The following TNKS2 variants were observed in gnomAD, a reference collection of about 807,000 sequenced individuals.
The protein encoded by TNKS2 is tankyrase 2.
In TNKS2, 72 loss-of-function variants were observed where a neutral mutation model predicts 137.6. The ratio of observed to expected loss-of-function variants is 0.52; its 90% CI spans 0.43 to 0.64. The LOEUF (loss-of-function observed/expected upper bound fraction) is 0.64. TNKS2 is among the 30% of genes least tolerant of loss of function. The pLI is 0.00. For missense variants in TNKS2, 1,049 were observed against 1,410.2 expected (o/e 0.74, Z 4.10); for synonymous variants, 516 against 512.1 (o/e 1.01, Z -0.10).
At position 91,841,250 on chromosome 10, in the gene TNKS2, C is replaced by T. The variant is rs772304701; in HGVS notation, c.1674-33C>T. 2.7e-6 allele frequency: 4 copies of T among 1,472,948 alleles called. No homozygotes were observed. The African/African-American group carries it at 4.3e-5, about 16-fold the overall frequency. 91.2% of individuals were successfully genotyped at this position (1,472,948 alleles called of 1,614,324 possible). On this transcript the variant is annotated intron_variant, in intron 14 of 26. Coordinates refer to ENST00000371627, the MANE Select transcript of TNKS2 (RefSeq NM_025235.4). ...ATTATTTAAATTAAAACATGTTCTT[C>T]TGTGGCATTATTGTTCATTTATTAC...
rs375077745 is a variant in TNKS2, at chr10:91,840,184, A to G, written c.1528-377A>G. Among the ~76,000 whole-genome samples the G allele has an allele frequency of 4.7e-4, 71 of 152,298 alleles. 1 individual carries two copies. Among genetic ancestry groups the G allele is most frequent in the African/African-American group, 1.6e-3 (66 of 41,574 alleles). Reference sequence around the variant, plus strand: ...GTGAAACCCCGCCTCTACTAAAAATATAAAAATTAGCCAGGTGTCCTGGCA... The same window carrying G: ...GTGAAACCCCGCCTCTACTAAAAATGTAAAAATTAGCCAGGTGTCCTGGCA... On this transcript the variant is annotated intron_variant, in intron 13 of 26. Transcript: ENST00000371627.
At chr10:91,822,272 AT>A (rs759675667) in intron 6 of TNKS2, 23 bp from the exon 7 acceptor site, 140 of 1,591,356 alleles carry the variant, frequency 8.8e-5, no homozygotes, top group Middle Eastern at 1.7e-4. Context: ...CTGAAACAGG[AT>A]TTTCCCCCCC....
chr10:91,801,550 T>C (rs1359274095), intron 1 of TNKS2, among the ~76,000 whole-genome samples: 1 of 152,014 alleles, frequency 6.6e-6, no homozygotes, highest in African/African-American at 2.4e-5. Flanking sequence ...CTCAGCTCAC[T>C]GCAACCCCCA....
intron 25 of TNKS2, among the ~76,000 whole-genome samples, chr10:91,861,127 G>A (rs1479353250): frequency 6.6e-6 from 1 of 152,160 alleles, no homozygotes; most frequent in East Asian, 1.9e-4. Context: ...AACTGGTGGT[G>A]AGGGGAGACT....
At position 91,857,442 on chromosome 10, in the gene TNKS2, CAAG is replaced by C; in HGVS notation, c.3009_3011del (p.Lys1004del). ...TTTTATAGATTCAGAAGGTTTGTAA[CAAG>C]AAACTATGGGAAAGATACACTCACC... is the stretch of plus-strand genomic sequence containing the variant. On this transcript the variant is annotated inframe_deletion, in exon 24 of 27. Coordinates refer to ENST00000371627, the MANE Select transcript of TNKS2 (RefSeq NM_025235.4). The C allele has an allele frequency of 6.2e-7, 1 of 1,605,274 alleles. No individual in the cohort carries two copies. The highest frequency in any genetic ancestry group is 8.5e-7 in the Non-Finnish European group (1 of 1,174,936).
intron 1 of TNKS2, among the ~76,000 whole-genome samples, chr10:91,802,773 ACT>A (rs1844210723): frequency 6.6e-6 from 1 of 152,066 alleles, no homozygotes; most frequent in South Asian, 2.1e-4. Flanking sequence ...TTTATCCAAC[ACT>A]CTTCACCTAG....
In TNKS2 at chr10:91,850,343, C is replaced by T. The variant is rs189172253; in HGVS notation, c.2694+749C>T. ...AGATCACACCACTGCACTCCAGCCT[C>T]GGCAACAGAGCAAGACTCGGTCTCA... On this transcript the variant is annotated intron_variant, in intron 20 of 26. Transcript: ENST00000371627. 4.1e-3 allele frequency among the ~76,000 whole-genome samples: 546 copies of T among 134,306 alleles called. 1 individual carries two copies. The highest frequency in any genetic ancestry group is 0.014 in the African/African-American group (502 of 35,374). The allele number at this position is 134,306 out of a possible 152,430, so 88.1% of individuals were successfully genotyped here. A position where few individuals can be genotyped will look rare whatever the true frequency, so the allele number is the denominator to read the frequency against.
intron 6 of TNKS2, among the ~76,000 whole-genome samples, 172 bp downstream of exon 6, chr10:91,820,205 A>G (rs1371245889): frequency 2.0e-5 from 3 of 152,236 alleles, no homozygotes. Flanking sequence ...TTAAGCCCAC[A>G]GCTCATAGAA....
At chr10:91,852,379 A>G (rs1842567008) in intron 21 of TNKS2, among the ~76,000 whole-genome samples, 1 of 150,538 alleles carries the variant, frequency 6.6e-6, no homozygotes, top group Admixed American at 6.6e-5. Context: ...AACATGGTGA[A>G]ACCCCATCTG....
chr10:91,829,905 A>C (rs1028989767), intron 9 of TNKS2, among the ~76,000 whole-genome samples: 3 of 152,218 alleles, frequency 2.0e-5, no homozygotes, highest in African/African-American at 7.2e-5. Flanking sequence ...TTTTAATTTA[A>C]CATATATACA....
Position 91,833,867 on chromosome 10 carries a change from T to G in TNKS2, c.1290T>G (p.Asp430Glu). 6.3e-7 allele frequency: 1 copy of G among 1,597,304 alleles called. No individual in the cohort carries two copies. The highest frequency in any genetic ancestry group is 8.5e-7 in the Non-Finnish European group (1 of 1,175,168). The stretch of plus-strand genomic sequence containing the variant: ...GCTTTGTTAAGGTTAATGCTCTGGA[T>G]AATCTTGGTCAGACTTCTCTACACA... ...VKHEAKVNAL[D>E]NLGQTSLHRA... Residue 430 changes from aspartate (D) to glutamate (E), a missense_variant, in exon 12 of 27, where the codon GAT becomes GAG. Asp to Glu is a conservative substitution (Grantham distance 45). This residue lies in a region of TNKS2 where 328 missense variants were observed against 436.0 expected (regional missense o/e 0.75). Transcript: ENST00000371627.
chr10:91,857,805 G>A lies in TNKS2; in HGVS notation c.3094+275G>A, dbSNP rs539020430. Among the ~76,000 whole-genome samples the A allele has an allele frequency of 5.3e-5, 8 of 152,008 alleles. No homozygotes were observed. The East Asian group carries it at 1.5e-3, about 29-fold the overall frequency. Reference sequence around the variant, plus strand: ...CTTTAAATAGTAAATTTTGCTTATGGTCACTCTAGGAAATTTTGTGTTTTC... The same window carrying A: ...CTTTAAATAGTAAATTTTGCTTATGATCACTCTAGGAAATTTTGTGTTTTC... On this transcript the variant is annotated intron_variant, in intron 24 of 26. Transcript: ENST00000371627.
rs1030333627 is a variant in TNKS2, at chr10:91,815,508, A to G, written c.425-1626A>G. Among the ~76,000 whole-genome samples the G allele has an allele frequency of 1.1e-4, 16 of 152,076 alleles. 1 individual carries two copies. The highest frequency in any genetic ancestry group is 3.1e-4 in the African/African-American group (13 of 41,394). On this transcript the variant is annotated intron_variant, in intron 2 of 26. Transcript: ENST00000371627. ...TTCCAGTTATAATCTGCACTATCCA[A>G]TATGGTAGCTAAGGGCTTGCAATGT...
At chr10:91,806,889 A>G (rs1844340072) in intron 1 of TNKS2, among the ~76,000 whole-genome samples, 2 of 152,206 alleles carry the variant, frequency 1.3e-5, no homozygotes, top group Admixed American at 6.5e-5. Context: ...TACTGATACA[A>G]ATTTGCCAGA....
chr10:91,833,750 A>G (rs573411212), intron 11 of TNKS2, 103 bp from the exon 12 acceptor site: 71 of 954,234 alleles, frequency 7.4e-5, no homozygotes, highest in Non-Finnish European at 9.5e-5. Flanking sequence ...TAGGCCTCAT[A>G]AAAGAATTGA....
chr10:91,823,486 C>T lies in TNKS2; in HGVS notation c.795+1124C>T, dbSNP rs534177948. Among the ~76,000 whole-genome samples, 9 of 151,916 alleles carry T rather than the reference C, an allele frequency of 5.9e-5. No homozygotes were observed. In the East Asian group the frequency reaches 1.7e-3, roughly 29 times the overall value. On this transcript the variant is annotated intron_variant, in intron 7 of 26. Transcript: ENST00000371627. ...GGGATTACAGGTATGTGCCACCATG[C>T]CCAGCTAATTTTCTATTTTTAGTAG...
rs752172505 is a variant in TNKS2, at chr10:91,848,462, A to G, written c.2438A>G (p.Asn813Ser). 5.6e-6 allele frequency: 9 copies of G among 1,614,128 alleles called. No individual in the cohort carries two copies. Among genetic ancestry groups the G allele is most frequent in the South Asian group, 3.3e-5 (3 of 91,082 alleles). The change falls in exon 19 of 27, where the codon AAT (asparagine) becomes AGT (serine). Residue 813 changes from asparagine (N) to serine (S), a missense_variant. Coordinates refer to ENST00000371627, the MANE Select transcript of TNKS2 (RefSeq NM_025235.4). Reference sequence around the variant, plus strand: ...TCTTGTTACAAGCCTCAAGTGCTCAATGGTGTGAGAAGCCCAGGAGCCACT... The same window carrying G: ...TCTTGTTACAAGCCTCAAGTGCTCAGTGGTGTGAGAAGCCCAGGAGCCACT... ...LPSCYKPQVL[N>S]GVRSPGATAD...
intron 12 of TNKS2, among the ~76,000 whole-genome samples, chr10:91,836,119 T>C (rs1345041413): frequency 2.0e-5 from 3 of 148,986 alleles, no homozygotes; most frequent in Admixed American, 1.3e-4. Context: ...CTTGGCTCAC[T>C]GTAGCCTCAA....
chr10:91,846,663 A>G (rs979111256), intron 18 of TNKS2, among the ~76,000 whole-genome samples: 2 of 151,430 alleles, frequency 1.3e-5, no homozygotes, highest in African/African-American at 2.5e-5. Flanking sequence ...ACTGCTTTCT[A>G]CTGAGAAAGA....
Sources: allele counts gnomAD v4.1 joint callset (sites outside exome capture counted in the v4.1 genomes callset), GRCh38; gene constraint gnomAD v4.1.1; regional missense constraint gnomAD v4.1.1; transcripts MANE v1.5; gene names NCBI Gene and HGNC (gene_info 2026-07-23, HGNC 2026-07-21).